Variants in DYNC2H1 observed in about 807,000 individuals in gnomAD.
DYNC2H1 encodes cytoplasmic dynein 2 heavy chain 1.
DYNC2H1 carries 410 observed loss-of-function variants against 570.0 expected under a neutral mutation model. That is an observed-to-expected ratio of 0.72 (90% CI 0.66 to 0.78). The LOEUF is 0.78. Ranked by LOEUF, DYNC2H1 falls within the 30% of genes least tolerant of loss-of-function variation. The pLI is 0.00. For synonymous variants in DYNC2H1, 1,688 were observed against 1,677.6 expected (o/e 1.01, Z -0.15); for missense variants, 4,865 against 5,046.4 (o/e 0.96, Z 1.09).
rs977756654 is a variant in DYNC2H1 at position 103,249,005 on chromosome 11, T to C, written c.10042+3631T>C. On this transcript the variant is annotated intron_variant, in intron 65 of 88. Transcript: ENST00000375735. This position sits in a 1 kb window ranked among gnomAD's most constrained non-coding sequence, Gnocchi z 4.6. ...CCAACTCTTGTACCTTGCCCAATCA[T>C]GCTGTCTTTAGTTATCTAAAGTACA... 1.3e-5 allele frequency among the ~76,000 whole-genome samples: 2 copies of C among 152,038 alleles called. No homozygotes were observed. The highest frequency in any genetic ancestry group is 1.3e-4 in the Admixed American group (2 of 15,220).
intron 84 of DYNC2H1, among the ~76,000 whole-genome samples, chr11:103,435,419 G>A (rs2135752094): frequency 6.6e-6 from 1 of 152,222 alleles, no homozygotes; most frequent in African/African-American, 2.4e-5. Flanking sequence ...GCCTTTATTG[G>A]AAGGTCAAAT....
Position 103,116,645 on chromosome 11 carries a change from G to T in DYNC2H1, c.697G>T (p.Asp233Tyr). ...GGAGACTACTCAGGATGTTGTAGATGATGTGTGGAGACAAACAGAACATGA... is the reference window on the plus strand; with the variant it reads ...GGAGACTACTCAGGATGTTGTAGATTATGTGTGGAGACAAACAGAACATGA... ...LVETTQDVVD[D>Y]VWRQTEHDHY... The change falls in exon 5 of 89, where the codon GAT (aspartate) becomes TAT (tyrosine). Residue 233 changes from aspartate (D) to tyrosine (Y), a missense_variant. Around this residue, in one of 5 missense-constraint regions of DYNC2H1, gnomAD observed 1,936 missense variants for 1,962.1 expected, o/e 0.99. Transcript: ENST00000375735. 1 of 1,609,912 alleles carries T rather than the reference G, an allele frequency of 6.2e-7. No individual in the cohort carries two copies. The highest frequency in any genetic ancestry group is 1.1e-5 in the South Asian group (1 of 90,516).
chr11:103,315,394 T>C (rs537361668), intron 79 of DYNC2H1, among the ~76,000 whole-genome samples: 1 of 152,116 alleles, frequency 6.6e-6, no homozygotes, highest in Non-Finnish European at 1.5e-5. Context: ...TAAGCTTTTG[T>C]TTGGTGATCT....
chr11:103,184,223 C>T (rs971876221), intron 40 of DYNC2H1, among the ~76,000 whole-genome samples: 5 of 151,908 alleles, frequency 3.3e-5, no homozygotes, highest in Non-Finnish European at 7.4e-5. Flanking sequence ...CTGTGCTATG[C>T]TTGAGCTCCA....
At chr11:103,394,177 G>T (rs182141180) in intron 83 of DYNC2H1, among the ~76,000 whole-genome samples, 1 of 152,186 alleles carries the variant, frequency 6.6e-6, no homozygotes, top group East Asian at 1.9e-4. Context: ...TTCCCTGGTT[G>T]AATTCTGCTT....
At chr11:103,396,369 T>G (rs891879180) in intron 83 of DYNC2H1, among the ~76,000 whole-genome samples, 7 of 152,216 alleles carry the variant, frequency 4.6e-5, no homozygotes, top group African/African-American at 1.7e-4. Flanking sequence ...TTGTTTATAT[T>G]GTCTGTGACT....
chr11:103,231,137 G>A (rs1863990438), intron 59 of DYNC2H1, 123 bp from the exon 60 acceptor site: 1 of 493,846 alleles, frequency 2.0e-6, no homozygotes, highest in East Asian at 3.3e-5. Flanking sequence ...CTAAGTAAAG[G>A]TGTTATAATA....
At chr11:103,397,135 G>A (rs898434832) in intron 83 of DYNC2H1, among the ~76,000 whole-genome samples, 1 of 152,138 alleles carries the variant, frequency 6.6e-6, no homozygotes, top group Non-Finnish European at 1.5e-5. Flanking sequence ...GAGACAGAAT[G>A]AGAGAAAGAA....
At position 103,117,805 on chromosome 11, in the gene DYNC2H1, G is replaced by A. The variant is rs1240020069; in HGVS notation, c.941G>A (p.Trp314Ter). 9 of 1,612,706 alleles carry A rather than the reference G, an allele frequency of 5.6e-6. No homozygotes were observed. In the South Asian group the frequency reaches 9.9e-5, roughly 18 times the overall value. The part of the protein sequence containing the change: ...QVWQRYVPHP[W>*]KNEKYFPETL... ...TGGCAGCGCTATGTTCCTCATCCAT[G>A]GAAAAATGAAAAATATTTTCCAGAA... The change falls in exon 6 of 89, where the codon TGG becomes TAG. Residue 314 changes from tryptophan (W) to a stop codon, truncating the protein, a stop_gained. Transcript: ENST00000375735. LOFTEE classifies it high-confidence loss of function.
chr11:103,256,032 A>C lies in DYNC2H1; in HGVS notation c.10327-74A>C. 2 of 1,284,452 alleles carry C rather than the reference A, an allele frequency of 1.6e-6. No homozygotes were observed. Among genetic ancestry groups the C allele is most frequent in the Non-Finnish European group, 2.1e-6 (2 of 947,288 alleles). 79.6% of individuals were successfully genotyped at this position (1,284,452 alleles called of 1,614,324 possible). Reference sequence around the variant, plus strand: ...TTGCCATAAACATCAAATGAATGACAGTTAATATGGGTTTGCTTTAATTGG... The same window carrying C: ...TTGCCATAAACATCAAATGAATGACCGTTAATATGGGTTTGCTTTAATTGG... On this transcript the variant is annotated intron_variant, in intron 67 of 88. Coordinates refer to ENST00000375735, the MANE Select transcript of DYNC2H1 (RefSeq NM_001377.3). This position sits in a 1 kb window ranked among gnomAD's most constrained non-coding sequence, Gnocchi z 4.0.
At chr11:103,279,179 C>T (rs1866032152) in intron 70 of DYNC2H1, among the ~76,000 whole-genome samples, 1 of 152,112 alleles carries the variant, frequency 6.6e-6, no homozygotes, top group Admixed American at 6.5e-5. Flanking sequence ...ATATGTCTGA[C>T]ACAGTATTGT....
In DYNC2H1 at chr11:103,204,117, G is replaced by T. The variant is rs967092033; in HGVS notation, c.8311+341G>T. 6.6e-6 allele frequency among the ~76,000 whole-genome samples: 1 copy of T among 152,068 alleles called. No homozygotes were observed. Among genetic ancestry groups the T allele is most frequent in the Admixed American group, 6.6e-5 (1 of 15,252 alleles). On this transcript the variant is annotated intron_variant, in intron 51 of 88. Transcript: ENST00000375735. This position sits in a 1 kb window ranked among gnomAD's most constrained non-coding sequence, Gnocchi z 4.1. ...TTTTACATGGATGGCAGCAAGCAAA[G>T]GAGGGCTTGTGCAGAAAAACTCCTG...
intron 57 of DYNC2H1, among the ~76,000 whole-genome samples, chr11:103,221,586 A>G (rs1419710031): frequency 6.6e-6 from 1 of 152,166 alleles, no homozygotes; most frequent in Non-Finnish European, 1.5e-5. Context: ...CGAAAAGTCG[A>G]TAATACAGCT....
intron 12 of DYNC2H1, among the ~76,000 whole-genome samples, chr11:103,126,682 G>T (rs1219791172): frequency 6.7e-6 from 1 of 149,572 alleles, no homozygotes; most frequent in Non-Finnish European, 1.5e-5. Flanking sequence ...TGTTGCCCAG[G>T]CTGGAGTGCA....
chr11:103,230,951 T>C (rs1452068189), intron 59 of DYNC2H1, among the ~76,000 whole-genome samples: 1 of 152,160 alleles, frequency 6.6e-6, no homozygotes, highest in Admixed American at 6.6e-5. Context: ...ATCTTTCTTA[T>C]TTTCTTGGCT....
intron 83 of DYNC2H1, among the ~76,000 whole-genome samples, chr11:103,378,581 A>G (rs1344580395): frequency 6.6e-6 from 1 of 152,210 alleles, no homozygotes. Flanking sequence ...GATTGCTTAT[A>G]ATGCTTAAAT....
rs1429848442 is a variant in DYNC2H1 at position 103,395,530 on chromosome 11, C to A, written c.12157-4133C>A. ...ACACACACACACTTCTCTGTATTGGCACCATTTTTCATACAGCATCTCTTT... is the reference window on the plus strand; with the variant it reads ...ACACACACACACTTCTCTGTATTGGAACCATTTTTCATACAGCATCTCTTT... On this transcript the variant is annotated intron_variant, in intron 83 of 88. Transcript: ENST00000375735. The surrounding 1 kb of genome is among the most constrained non-coding windows in gnomAD (Gnocchi z 4.3). Among the ~76,000 whole-genome samples the A allele has an allele frequency of 2.0e-5, 3 of 151,478 alleles. No individual in the cohort carries two copies. Among genetic ancestry groups the A allele is most frequent in the Non-Finnish European group, 4.4e-5 (3 of 67,942 alleles).
rs1591331806 is a variant in DYNC2H1, at chr11:103,156,754, G to A, written c.4111G>A (p.Val1371Ile). The A allele has an allele frequency of 6.2e-7, 1 of 1,609,118 alleles. No individual in the cohort carries two copies. The highest frequency in any genetic ancestry group is 1.1e-5 in the South Asian group (1 of 89,734). The stretch of plus-strand genomic sequence containing the variant: ...AAAAGAACAGACACGCTTCAACAGA[G>A]TTGATGAAGATTTTAGGTCAGTACA... ...LPKEQTRFNRVDEDFRSIMTD... is the reference protein window; with the variant it reads ...LPKEQTRFNRIDEDFRSIMTD... Residue 1371 changes from valine (V) to isoleucine (I), a missense_variant, in exon 26 of 89, where the codon GTT becomes ATT. This residue lies in a region of DYNC2H1 where 1,936 missense variants were observed against 1,962.1 expected (regional missense o/e 0.99). Transcript: ENST00000375735.
Position 103,399,799 on chromosome 11 carries a change from G to A in DYNC2H1, c.12293G>A (p.Ser4098Asn). The A allele has an allele frequency of 1.9e-6, 3 of 1,613,910 alleles. No individual in the cohort carries two copies. Among genetic ancestry groups the A allele is most frequent in the Non-Finnish European group, 2.5e-6 (3 of 1,179,856 alleles). The stretch of plus-strand genomic sequence containing the variant: ...GTCCACCAGTCTCTTGCTGCTCTCA[G>A]CAAAGTCATCAGAGGAACTACTTTA... ...QSVHQSLAAL[S>N]KVIRGTTLLS... The change falls in exon 84 of 89, where the codon AGC (serine) becomes AAC (asparagine). Residue 4098 changes from serine to asparagine, a missense_variant. Around this residue, in one of 5 missense-constraint regions of DYNC2H1, gnomAD observed 2,401 missense variants for 2,454.6 expected, o/e 0.98. Coordinates refer to ENST00000375735, the MANE Select transcript of DYNC2H1 (RefSeq NM_001377.3).
Sources: allele counts gnomAD v4.1 joint callset (sites outside exome capture counted in the v4.1 genomes callset), GRCh38; gene constraint gnomAD v4.1.1; regional missense constraint gnomAD v4.1.1; non-coding constraint Gnocchi (gnomAD v3.1); transcripts MANE v1.5; gene names NCBI Gene and HGNC (gene_info 2026-07-23, HGNC 2026-07-21).